The following MYL10 variants were observed in gnomAD, a reference collection of about 807,000 sequenced individuals.
The protein encoded by MYL10 is myosin light chain 10.
Under a neutral mutation model 21.9 loss-of-function variants are expected in MYL10, and 18 were observed. That is an observed-to-expected ratio of 0.82 (90% CI 0.57 to 1.22). The LOEUF is 1.22. Ranked by LOEUF, MYL10 falls within the 50% of genes most tolerant of loss-of-function variation. The pLI is 0.00. For synonymous variants in MYL10, 88 were observed against 82.8 expected, an observed-to-expected ratio of 1.06 and a Z score of -0.34; for missense variants, 225 against 230.4, an observed-to-expected ratio of 0.98 and a Z score of 0.15.
rs1562822273 is a variant in MYL10 at position 101,613,464 on chromosome 7, CT to C, written c.*10del. The C allele has an allele frequency of 1.2e-6, 2 of 1,610,906 alleles. No homozygotes were observed. Among genetic ancestry groups the C allele is most frequent in the Admixed American group, 3.3e-5 (2 of 60,028 alleles). ...TTGCTGCCCCTGAATGTCGGGGAGA[CT>C]TGTGATCCCCTAATCCTTCTCTTCA... On this transcript the variant is annotated 3_prime_UTR_variant, in exon 8 of 8. Coordinates refer to ENST00000223167, the MANE Select transcript of MYL10 (RefSeq NM_138403.5).
intron 3 of MYL10, 27 bp from the exon 4 acceptor site, chr7:101,623,099 T>C (rs7794055): frequency 0.35 from 558,785 of 1,603,904 alleles, 101,502 homozygotes; most frequent in South Asian, 0.38. Flanking sequence ...TGCTAAGTAG[T>C]CACCTGCCCT....
intron 6 of MYL10, among the ~76,000 whole-genome samples, chr7:101,614,630 C>A (rs958795935): frequency 6.6e-6 from 1 of 152,100 alleles, no homozygotes; most frequent in Non-Finnish European, 1.5e-5. Flanking sequence ...CTCCCCAGGT[C>A]CCCAGGATGG....
At chr7:101,613,636 C>T (rs755852120) in intron 7 of MYL10, 26 bp downstream of exon 7, 4 of 1,613,950 alleles carry the variant, frequency 2.5e-6, no homozygotes, top group African/African-American at 2.7e-5. Context: ...GAGAATCCGC[C>T]GTGACCCACC....
intron 4 of MYL10, among the ~76,000 whole-genome samples, chr7:101,622,727 A>C (rs748808589): frequency 6.6e-6 from 1 of 150,826 alleles, no homozygotes; most frequent in Non-Finnish European, 1.5e-5. Flanking sequence ...CCCTCCCCAC[A>C]CCCAGGGTCC....
chr7:101,618,319 G>T (rs1336017867), intron 5 of MYL10, among the ~76,000 whole-genome samples: 3 of 152,204 alleles, frequency 2.0e-5, no homozygotes, highest in Non-Finnish European at 4.4e-5. Context: ...GCGGGTGAGG[G>T]TTGAGTGACC....
chr7:101,622,924 C>T (rs985383059), intron 4 of MYL10, 73 bp downstream of exon 4: 36 of 1,410,490 alleles, frequency 2.6e-5, no homozygotes, highest in Non-Finnish European at 3.2e-5. Context: ...GCGAGCCCTG[C>T]CCTGCTGGCC....
Position 101,613,549 on chromosome 7 carries a change from G to T in MYL10, c.607C>A (p.Pro203Thr). ...TCCAGGTTGCCGCACACATCTGGGG[G>T]AAATGCTGCAAACATCTGCTTGACC... The part of the protein sequence containing the change: ...EEVKQMFAAF[P>T]PDVCGNLDYR... Residue 203 changes from proline to threonine, a missense_variant, in exon 8 of 8, where the codon CCC becomes ACC. Physicochemically the swap from Pro to Thr is conservative, Grantham distance 38. Transcript: ENST00000223167. The T allele has an allele frequency of 6.2e-7, 1 of 1,614,140 alleles. No individual in the cohort carries two copies. Among genetic ancestry groups the T allele is most frequent in the South Asian group, 1.1e-5 (1 of 91,076 alleles).
intron 6 of MYL10, 145 bp downstream of exon 6, chr7:101,616,075 G>T (rs1796605711): frequency 1.6e-6 from 1 of 641,970 alleles, no homozygotes; most frequent in Non-Finnish European, 2.8e-6. Flanking sequence ...AGAGGGGAAG[G>T]GACATCAAGC....
intron 5 of MYL10, among the ~76,000 whole-genome samples, chr7:101,618,709 C>T (rs1033467813): frequency 2.6e-5 from 4 of 152,210 alleles, no homozygotes; most frequent in African/African-American, 7.2e-5. Flanking sequence ...ACCCTGCCCT[C>T]CCGGCTCCTG....
chr7:101,619,352 C>A (rs1206597760), intron 5 of MYL10, among the ~76,000 whole-genome samples: 1 of 152,186 alleles, frequency 6.6e-6, no homozygotes, highest in African/African-American at 2.4e-5. Flanking sequence ...GGCTACACAG[C>A]CCCAAGTTCA....
chr7:101,623,125 C>T, intron 3 of MYL10, 53 bp from the exon 4 acceptor site: 13 of 1,550,476 alleles, frequency 8.4e-6, no homozygotes, highest in South Asian at 1.1e-5. Flanking sequence ...GCCCGGCCAC[C>T]TCCCCCAGGG....
rs1425643968 is a variant in MYL10 at position 101,613,386 on chromosome 7, T to G, written c.*89A>C. 1 of 1,131,826 alleles carries G rather than the reference T, an allele frequency of 8.8e-7. No homozygotes were observed. Among genetic ancestry groups the G allele is most frequent in the Admixed American group, 1.9e-5 (1 of 52,536 alleles). 70.1% of individuals were successfully genotyped at this position (1,131,826 alleles called of 1,614,324 possible). On this transcript the variant is annotated 3_prime_UTR_variant, in exon 8 of 8. Transcript: ENST00000223167. ...CCCAACCGTAGGACAAGGGAAGCCT[T>G]TTTCCTGCAGCCTCTGGCTGCAAGA...
chr7:101,624,376 C>T, intron 1 of MYL10, 112 bp from the exon 2 acceptor site: 1 of 734,650 alleles, frequency 1.4e-6, no homozygotes, highest in Non-Finnish European at 2.3e-6. Flanking sequence ...CTTTGCCCTT[C>T]CCGGTGCCTA....
intron 1 of MYL10, among the ~76,000 whole-genome samples, chr7:101,626,821 C>A (rs1259494963): frequency 6.6e-6 from 1 of 152,170 alleles, no homozygotes; most frequent in African/African-American, 2.4e-5. Context: ...TCAGGACCCA[C>A]GTGGAGAGGA....
chr7:101,625,428 C>G (rs1796732135), intron 1 of MYL10, among the ~76,000 whole-genome samples: 1 of 152,186 alleles, frequency 6.6e-6, no homozygotes, highest in Admixed American at 6.5e-5. Flanking sequence ...GTTCCCACCA[C>G]CAGCTCCTGT....
intron 5 of MYL10, among the ~76,000 whole-genome samples, chr7:101,620,991 G>A (rs1796671152): frequency 6.6e-6 from 1 of 151,994 alleles, no homozygotes; most frequent in Admixed American, 6.6e-5. Context: ...GTTTCGCCAT[G>A]TTAGTCAGGG....
Position 101,623,034 on chromosome 7 carries a change from G to A in MYL10, c.312C>T (p.Ile104=), listed in dbSNP as rs772235749. 33 of 1,613,902 alleles carry A rather than the reference G, an allele frequency of 2.0e-5. No individual in the cohort carries two copies. In the Admixed American group the frequency reaches 2.7e-4, roughly 13 times the overall value. The change falls in exon 4 of 8, where the codon ATC becomes ATT. Residue 104 remains isoleucine (I), a synonymous_variant. Coordinates refer to ENST00000223167, the MANE Select transcript of MYL10 (RefSeq NM_138403.5). ...AGGTGTCCCTCAAGTCCTCTTTGTCGATGAAGCCATCACGGTTCTGGTCCA... is the reference window on the plus strand; with the variant it reads ...AGGTGTCCCTCAAGTCCTCTTTGTCAATGAAGCCATCACGGTTCTGGTCCA... ...TIMDQNRDGF[I]DKEDLRDTFA... is the part of the protein sequence containing the mutation.
intron 6 of MYL10, among the ~76,000 whole-genome samples, chr7:101,615,444 C>T (rs116308025): frequency 0.027 from 4,071 of 151,176 alleles, 68 homozygotes; most frequent in African/African-American, 0.052. Flanking sequence ...AGGGTGTGAG[C>T]GCTCCCCCAG....
intron 1 of MYL10, among the ~76,000 whole-genome samples, chr7:101,625,559 C>T (rs1248459122): frequency 6.6e-6 from 1 of 152,046 alleles, no homozygotes; most frequent in East Asian, 1.9e-4. Context: ...CTCCCCTGCC[C>T]CCAGCTCACT....
Sources: gnomAD v4.1 joint callset for allele counts (sites outside exome capture counted in the v4.1 genomes callset) on GRCh38, gnomAD v4.1.1 for gene constraint, MANE v1.5 for transcripts, NCBI Gene and HGNC (gene_info 2026-07-23, HGNC 2026-07-21) for gene names.